Variants in SEC24A observed in about 807,000 individuals in gnomAD.
The protein encoded by SEC24A is protein transport protein Sec24A.
Under a neutral mutation model 129.4 loss-of-function variants are expected in SEC24A, and 93 were observed. That is an observed-to-expected ratio of 0.72 (90% CI 0.61 to 0.85). The LOEUF is 0.85. Ranked by LOEUF, SEC24A falls within the 40% of genes least tolerant of loss-of-function variation. The probability of loss-of-function intolerance (pLI) is 0.00; values close to 1 mark genes in which losing one functional copy is unlikely to be tolerated. For synonymous variants in SEC24A, 460 were observed against 467.3 expected, an observed-to-expected ratio of 0.98 and a Z score of 0.20; for missense variants, 1,264 against 1,307.4, an observed-to-expected ratio of 0.97 and a Z score of 0.51.
Position 134,693,792 on chromosome 5 carries a change from C to T in SEC24A, c.1845C>T (p.Ala615=), listed in dbSNP as rs753274396. The T allele has an allele frequency of 1.9e-6, 3 of 1,614,090 alleles. No homozygotes were observed. The highest frequency in any genetic ancestry group is 1.7e-4 in the Middle Eastern group (1 of 6,060). Residue 615 remains alanine, a synonymous_variant, in exon 13 of 23, where the codon GCC becomes GCT. Transcript: ENST00000398844. ...CCAAGACTCTGGAGACCCAGAGTGC[C>T]TTGGGTCCTGCACTGCAGGCTGCCT... The part of the protein sequence containing the change: ...MFTKTLETQS[A]LGPALQAAFK...
chr5:134,668,470 A>C (rs1750742720), intron 3 of SEC24A, among the ~76,000 whole-genome samples: 1 of 152,132 alleles, frequency 6.6e-6, no homozygotes, highest in Non-Finnish European at 1.5e-5. Flanking sequence ...TCACGCCTAT[A>C]ATCCCAGCAA....
At position 134,708,775 on chromosome 5, in the gene SEC24A, A is replaced by T; in HGVS notation, c.2614A>T (p.Ile872Phe). The change falls in exon 18 of 23, where the codon ATT becomes TTT. Residue 872 changes from isoleucine to phenylalanine, a missense_variant. By Grantham distance (21) the Ile-to-Phe change is conservative (BLOSUM62 0). Transcript: ENST00000398844. ...DARDALVNAV[I>F]DSLSAYRSSV... ...TCGGGATGCTCTAGTGAATGCAGTC[A>T]TTGACTCCCTTTCAGCTTACCGTTC... is the stretch of plus-strand genomic sequence containing the variant. The T allele has an allele frequency of 1.2e-6, 2 of 1,614,198 alleles. No homozygotes were observed. The highest frequency in any genetic ancestry group is 1.7e-6 in the Non-Finnish European group (2 of 1,180,034).
At chr5:134,667,190 T>C (rs758405699) in intron 3 of SEC24A, among the ~76,000 whole-genome samples, 194 bp downstream of exon 3, 24 of 152,098 alleles carry the variant, frequency 1.6e-4, no homozygotes, top group Non-Finnish European at 2.5e-4. Flanking sequence ...GTGACTACCA[T>C]TGGGAAAAAA....
At chr5:134,700,566 CA>C (rs761663924) in intron 15 of SEC24A, among the ~76,000 whole-genome samples, 211 of 139,774 alleles carry the variant, frequency 1.5e-3, no homozygotes, top group African/African-American at 2.4e-3. Context: ...AAATCTATAA[CA>C]AAAAAAAAAA....
intron 14 of SEC24A, 102 bp from the exon 15 acceptor site, chr5:134,697,797 C>T: frequency 8.2e-7 from 1 of 1,218,310 alleles, no homozygotes; most frequent in South Asian, 1.5e-5. Context: ...CAGTAGTTTA[C>T]CTTGGAAAGT....
chr5:134,715,108 C>G lies in SEC24A; in HGVS notation c.2812C>G (p.Leu938Val), dbSNP rs375980175. 131 of 1,611,450 alleles carry G rather than the reference C, an allele frequency of 8.1e-5. No individual in the cohort carries two copies. The highest frequency in any genetic ancestry group is 1.7e-4 in the Middle Eastern group (1 of 6,050). The stretch of plus-strand genomic sequence containing the variant: ...AGTGAAAAACCAGCCCTTGGTTTAC[C>G]TTATGCTCACAACTCATCCCAGTTT... ...CQVKNQPLVY[L>V]MLTTHPSLYR... is the part of the protein sequence containing the mutation. The change falls in exon 19 of 23, where the codon CTT (leucine) becomes GTT (valine). Residue 938 changes from leucine to valine, a missense_variant. By Grantham distance (32) the Leu-to-Val change is conservative. Transcript: ENST00000398844.
At position 134,659,172 on chromosome 5, in the gene SEC24A, C is replaced by T. The variant is rs973432795; in HGVS notation, c.98-1947C>T. The stretch of plus-strand genomic sequence containing the variant: ...CTGCAAGCTCTGCCTCCTGGGTTCA[C>T]GCCATTCTCCTGCCTCAGCCTCCCG... On this transcript the variant is annotated intron_variant, in intron 1 of 22. Transcript: ENST00000398844. Among the ~76,000 whole-genome samples, 20 of 151,374 alleles carry T rather than the reference C, an allele frequency of 1.3e-4. No homozygotes were observed. The South Asian group carries it at 1.5e-3, about 11-fold the overall frequency.
At chr5:134,713,802 G>A (rs1400300701) in intron 18 of SEC24A, among the ~76,000 whole-genome samples, 5 of 151,562 alleles carry the variant, frequency 3.3e-5, no homozygotes, top group Admixed American at 1.3e-4. Flanking sequence ...AGGCCGAGGC[G>A]GGCGGATCAT....
At chr5:134,670,583 A>T (rs1385758155) in intron 3 of SEC24A, among the ~76,000 whole-genome samples, 1 of 152,190 alleles carries the variant, frequency 6.6e-6, no homozygotes, top group African/African-American at 2.4e-5. Flanking sequence ...GGGAGAAGAG[A>T]TGTTAAGATT....
intron 11 of SEC24A, among the ~76,000 whole-genome samples, chr5:134,690,214 C>A (rs968368530): frequency 5.3e-5 from 8 of 152,076 alleles, no homozygotes; most frequent in African/African-American, 1.7e-4. Context: ...GAAACAAGGT[C>A]TTACCGTGTT....
intron 17 of SEC24A, among the ~76,000 whole-genome samples, chr5:134,707,949 C>CA (rs57365624): frequency 0.01 from 1,545 of 151,408 alleles, 24 homozygotes; most frequent in African/African-American, 0.036. Context: ...ACTAAAAATA[C>CA]AAAAAAACAA....
chr5:134,677,882 T>G (rs577136487), intron 7 of SEC24A, among the ~76,000 whole-genome samples: 1 of 151,868 alleles, frequency 6.6e-6, no homozygotes, highest in African/African-American at 2.4e-5. Flanking sequence ...GATGAGATGC[T>G]ATGTCACTTT....
chr5:134,717,946 G>T (rs1161271009), intron 19 of SEC24A, 123 bp from the exon 20 acceptor site: 2 of 632,958 alleles, frequency 3.2e-6, no homozygotes, highest in Non-Finnish European at 5.7e-6. Context: ...AAGAATAATT[G>T]TGATTTACCT....
At chr5:134,695,944 C>CAAA (rs34026685) in intron 13 of SEC24A, among the ~76,000 whole-genome samples, 6 of 67,706 alleles carry the variant, frequency 8.9e-5, no homozygotes, top group African/African-American at 2.2e-4. Flanking sequence ...GACTCTGTCT[C>CAAA]AAAAAAAAAA....
intron 2 of SEC24A, among the ~76,000 whole-genome samples, chr5:134,663,073 C>T (rs1055827809): frequency 3.3e-5 from 5 of 151,946 alleles, no homozygotes; most frequent in Admixed American, 1.3e-4. Flanking sequence ...ATATCATTAT[C>T]TGTTTTTCTG....
intron 11 of SEC24A, among the ~76,000 whole-genome samples, chr5:134,690,079 C>T (rs1244782412): frequency 3.9e-5 from 6 of 152,106 alleles, no homozygotes; most frequent in East Asian, 3.9e-4. Flanking sequence ...AGCGCAATGG[C>T]GCCATCTCGG....
At chr5:134,686,935 T>G in intron 10 of SEC24A, 33 bp downstream of exon 10, 1 of 1,160,704 alleles carries the variant, frequency 8.6e-7, no homozygotes, top group Non-Finnish European at 1.3e-6. Context: ...AATATGAAAC[T>G]AATAATATTT....
rs1751513656 is a variant in SEC24A, at chr5:134,688,212, T to C, written c.1636T>C (p.Phe546Leu). Residue 546 changes from phenylalanine to leucine, a missense_variant, in exon 11 of 23, where the codon TTC becomes CTC. Coordinates refer to ENST00000398844, the MANE Select transcript of SEC24A (RefSeq NM_021982.3). ...LPGNTRTKIG[F>L]ITFDSTIHFY... ...TGGCAACACTAGAACAAAAATTGGC[T>C]TCATAACATTTGACAGTACAATCCA... 1.2e-6 allele frequency: 2 copies of C among 1,612,830 alleles called. No individual in the cohort carries two copies. The highest frequency in any genetic ancestry group is 1.7e-6 in the Non-Finnish European group (2 of 1,179,104).
intron 11 of SEC24A, 37 bp from the exon 12 acceptor site, chr5:134,692,565 C>A: frequency 9.5e-7 from 1 of 1,048,060 alleles, no homozygotes; most frequent in Non-Finnish European, 1.5e-6. Flanking sequence ...TTAATTATTA[C>A]ATTTTGTTTA....
Sources: gnomAD v4.1 joint callset for allele counts (sites outside exome capture counted in the v4.1 genomes callset) on GRCh38, gnomAD v4.1.1 for gene constraint, MANE v1.5 for transcripts, NCBI Gene and HGNC (gene_info 2026-07-23, HGNC 2026-07-21) for gene names.